DNAH8: variants seen among roughly 807,000 people sequenced by gnomAD.
The protein encoded by DNAH8 is dynein axonemal heavy chain 8.
In DNAH8, 382 loss-of-function variants were observed where a neutral mutation model predicts 562.1. The ratio of observed to expected loss-of-function variants is 0.68; its 90% confidence interval spans 0.63 to 0.74. DNAH8 has a LOEUF of 0.74. Among genes scored for constraint, DNAH8 ranks in the 30% least tolerant of loss-of-function variants. The pLI, the probability that DNAH8 is intolerant of heterozygous loss-of-function variation, is 0.00. For synonymous variants in DNAH8, 1,881 were observed against 1,919.4 expected, an observed-to-expected ratio of 0.98 and a Z score of 0.52; for missense variants, 5,203 against 5,620.4, an observed-to-expected ratio of 0.93 and a Z score of 2.37.
chr6:38,920,645 T>C (rs909457833), intron 70 of DNAH8, among the ~76,000 whole-genome samples: 7 of 152,138 alleles, frequency 4.6e-5, no homozygotes, highest in African/African-American at 1.7e-4. Context: ...TGGACAAATG[T>C]ATATGAGTAG....
At chr6:38,916,056 G>T (rs1301440765) in intron 68 of DNAH8, among the ~76,000 whole-genome samples, 1 of 152,086 alleles carries the variant, frequency 6.6e-6, no homozygotes, top group Non-Finnish European at 1.5e-5. Flanking sequence ...GATCCTTAAA[G>T]AATCAATGTG....
intron 87 of DNAH8, among the ~76,000 whole-genome samples, chr6:38,987,463 C>G (rs1764479639): frequency 6.6e-6 from 1 of 152,194 alleles, no homozygotes; most frequent in Non-Finnish European, 1.5e-5. Flanking sequence ...GTTCCATATC[C>G]AGGCCCCAGT....
intron 52 of DNAH8, among the ~76,000 whole-genome samples, chr6:38,874,221 G>A (rs1404343613): frequency 1.6e-5 from 1 of 63,212 alleles, no homozygotes; most frequent in Non-Finnish European, 3.1e-5. Context: ...TTTCTCTCTC[G>A]CTCTCTCTTT....
At position 38,862,277 on chromosome 6, in the gene DNAH8, C is replaced by A; in HGVS notation, c.6132-3C>A. 2.5e-6 allele frequency: 4 copies of A among 1,608,992 alleles called. No homozygotes were observed. Among genetic ancestry groups the A allele is most frequent in the Non-Finnish European group, 3.4e-6 (4 of 1,177,926 alleles). Reference sequence around the variant, plus strand: ...CAATGCTTTATTGGATGAACATTTGCAGATGCTATATCACGTTAGCTCAGG... The same window carrying A: ...CAATGCTTTATTGGATGAACATTTGAAGATGCTATATCACGTTAGCTCAGG... On this transcript the variant is annotated splice_polypyrimidine_tract_variant and splice_region_variant and intron_variant, in intron 43 of 92. Coordinates refer to ENST00000327475, the MANE Select transcript of DNAH8 (RefSeq NM_001206927.2).
Position 38,737,146 on chromosome 6 carries a change from C to G in DNAH8, c.842C>G (p.Pro281Arg). 6.3e-7 allele frequency: 1 copy of G among 1,584,750 alleles called. No individual in the cohort carries two copies. The highest frequency in any genetic ancestry group is 8.6e-7 in the Non-Finnish European group (1 of 1,167,380). Reference sequence around the variant, plus strand: ...GATATGTTGGCAAATATATTTCTACCAGCTGTTCTTGCAACAAACAACTGG... The same window carrying G: ...GATATGTTGGCAAATATATTTCTACGAGCTGTTCTTGCAACAAACAACTGG... ...IRDMLANIFL[P>R]AVLATNNWGA... Residue 281 changes from proline (P) to arginine (R), a missense_variant, in exon 6 of 93, where the codon CCA (proline) becomes CGA (arginine). Transcript: ENST00000327475.
At position 38,825,262 on chromosome 6, in the gene DNAH8, G is replaced by C. The variant is rs74546690; in HGVS notation, c.3848-894G>C. The stretch of plus-strand genomic sequence containing the variant: ...CCACGCTTTCTCCTCAGCTCCACAG[G>C]CCTCTTAAGTTTAATGGTTGGAAGG... On this transcript the variant is annotated intron_variant, in intron 28 of 92. Transcript: ENST00000327475. 7.6e-3 allele frequency among the ~76,000 whole-genome samples: 1,154 copies of C among 152,198 alleles called. 51 individuals carry two copies. The East Asian group carries it at 0.11, about 14-fold the overall frequency.
chr6:39,026,550 C>T lies in DNAH8; in HGVS notation c.13719C>T (p.Phe4573=), dbSNP rs763392096. 1.2e-6 allele frequency: 2 copies of T among 1,607,032 alleles called. No individual in the cohort carries two copies. Among genetic ancestry groups the T allele is most frequent in the South Asian group, 1.1e-5 (1 of 90,388 alleles). Residue 4573 remains phenylalanine, a synonymous_variant, in exon 92 of 93, where the codon TTC becomes TTT. Transcript: ENST00000327475. ...TCTCTTCTTTTTTTCTTTAAGGCTTCCTCACAGCAATGAGGCAAGAAGTGA... is the reference window on the plus strand; with the variant it reads ...TCTCTTCTTTTTTTCTTTAAGGCTTTCTCACAGCAATGAGGCAAGAAGTGA... ...WMTGFFNPQG[F]LTAMRQEVTR...
At chr6:38,970,177 G>C (rs1434829170) in intron 82 of DNAH8, among the ~76,000 whole-genome samples, 1 of 152,192 alleles carries the variant, frequency 6.6e-6, no homozygotes, top group Non-Finnish European at 1.5e-5. Flanking sequence ...CAGAGAGGCT[G>C]TGGCTCACAC....
At chr6:38,775,288 G>T (rs1371836457) in intron 12 of DNAH8, among the ~76,000 whole-genome samples, 1 of 152,206 alleles carries the variant, frequency 6.6e-6, no homozygotes, top group African/African-American at 2.4e-5. Context: ...GGTCAGGAAT[G>T]ATTGCTGCCA....
chr6:38,841,135 T>C (rs1774745872), intron 33 of DNAH8, among the ~76,000 whole-genome samples: 1 of 152,172 alleles, frequency 6.6e-6, no homozygotes, highest in Non-Finnish European at 1.5e-5. Flanking sequence ...CAAGATAGAA[T>C]GGGCTGGGTG....
intron 21 of DNAH8, among the ~76,000 whole-genome samples, chr6:38,798,467 T>C (rs1414510070): frequency 6.6e-6 from 1 of 152,222 alleles, no homozygotes; most frequent in Non-Finnish European, 1.5e-5. Flanking sequence ...GGAGTCCTTA[T>C]TAGGACAGGA....
At chr6:38,945,718 C>A in intron 80 of DNAH8, 130 bp downstream of exon 80, 2 of 1,213,978 alleles carry the variant, frequency 1.6e-6, no homozygotes, top group Non-Finnish European at 2.3e-6. Context: ...GGATTTGAGG[C>A]TCTGTGGCTG....
At chr6:38,955,181 C>T (rs2150646885) in intron 82 of DNAH8, among the ~76,000 whole-genome samples, 1 of 152,142 alleles carries the variant, frequency 6.6e-6, no homozygotes, top group East Asian at 1.9e-4. Context: ...ATTATGTTTC[C>T]CAGGCTGGTC....
chr6:38,993,414 T>C (rs1185965823), intron 88 of DNAH8, among the ~76,000 whole-genome samples: 1 of 149,502 alleles, frequency 6.7e-6, no homozygotes. Flanking sequence ...GTTATGTTTA[T>C]TTGTTTCTGT....
chr6:38,880,448 T>TG (rs899191615), intron 53 of DNAH8, among the ~76,000 whole-genome samples: 22 of 152,142 alleles, frequency 1.4e-4, no homozygotes, highest in African/African-American at 5.1e-4. Context: ...GCCAGTGCGA[T>TG]GGGGGGAAAA....
At chr6:38,994,500 A>ATT (rs33926161) in intron 88 of DNAH8, among the ~76,000 whole-genome samples, 57,611 of 145,170 alleles carry the variant, frequency 0.4, 11,703 homozygotes, top group Non-Finnish European at 0.45. Flanking sequence ...AATCATCTAC[A>ATT]TTTTTTTTTT....
intron 83 of DNAH8, 82 bp from the exon 84 acceptor site, chr6:38,973,579 T>A (rs1763477321): frequency 8.5e-7 from 1 of 1,178,100 alleles, no homozygotes; most frequent in Non-Finnish European, 1.2e-6. Context: ...ACATGGTTTT[T>A]AAAAAAAGTG....
intron 89 of DNAH8, among the ~76,000 whole-genome samples, chr6:39,010,775 A>G (rs1480409711): frequency 1.4e-5 from 2 of 141,148 alleles, no homozygotes; most frequent in East Asian, 2.0e-4. Context: ...TTATATATAT[A>G]TATATACACA....
chr6:38,754,817 T>C (rs1446402075), intron 9 of DNAH8, among the ~76,000 whole-genome samples: 1 of 152,174 alleles, frequency 6.6e-6, no homozygotes, highest in Non-Finnish European at 1.5e-5. Context: ...AGACTTTTTT[T>C]CACATTTTAA....
Sources: gnomAD v4.1 joint callset for allele counts (sites outside exome capture counted in the v4.1 genomes callset) on GRCh38, gnomAD v4.1.1 for gene constraint, MANE v1.5 for transcripts, NCBI Gene and HGNC (gene_info 2026-07-23, HGNC 2026-07-21) for gene names.